Variants in RAD50 observed in about 807,000 individuals in gnomAD.
The protein encoded by RAD50 is RAD50 double strand break repair protein, also known as DNA repair protein RAD50.
A neutral mutation model predicts 168.8 loss-of-function variants in RAD50; 132 were observed. The ratio of observed to expected loss-of-function variants is 0.78; its 90% CI spans 0.68 to 0.90. The LOEUF (loss-of-function observed/expected upper bound fraction) is 0.90, where lower values mean the gene tolerates loss of function less well. Ranked by LOEUF, RAD50 falls within the 40% of genes least tolerant of loss-of-function variation. The pLI is 0.00. For missense variants in RAD50, 1,347 were observed against 1,534.4 expected, an observed-to-expected ratio of 0.88 and a Z score of 2.04; for synonymous variants, 525 against 497.4, an observed-to-expected ratio of 1.06 and a Z score of -0.74.
intron 24 of RAD50, chr5:132,641,938 A>C (rs1751730933): frequency 1.9e-6 from 1 of 526,166 alleles, no homozygotes; most frequent in Admixed American, 3.3e-5. Flanking sequence ...TATTCCTGTG[A>C]GTCCCTAAGC....
rs773566981 is a variant in RAD50, at chr5:132,595,720, G to A, written c.2117G>A (p.Arg706Gln). 5 of 1,613,756 alleles carry A rather than the reference G, an allele frequency of 3.1e-6. No individual in the cohort carries two copies. The South Asian group carries it at 3.3e-5, about 11-fold the overall frequency. Residue 706 changes from arginine (R) to glutamine (Q), a missense_variant, in exon 13 of 25, where the codon CGA becomes CAA. Transcript: ENST00000378823. ...ATCAGTGATTTGCAGTCTAAACTGC[G>A]ACTTGCTCCAGATAAACTCAAGTCA... ...EVISDLQSKL[R>Q]LAPDKLKSTE...
chr5:132,625,440 G>A (rs923489507), intron 21 of RAD50, among the ~76,000 whole-genome samples: 1 of 152,104 alleles, frequency 6.6e-6, no homozygotes, highest in East Asian at 1.9e-4. Flanking sequence ...TATATAGCCG[G>A]TATATTTATG....
At chr5:132,568,305 G>A (rs1010870689) in intron 2 of RAD50, among the ~76,000 whole-genome samples, 13 of 151,586 alleles carry the variant, frequency 8.6e-5, no homozygotes, top group Admixed American at 4.6e-4. Context: ...ACCTGGTCTC[G>A]AACTCATGAC....
intron 16 of RAD50, among the ~76,000 whole-genome samples, chr5:132,606,761 C>G (rs1750992863): frequency 6.6e-6 from 1 of 152,188 alleles, no homozygotes; most frequent in African/African-American, 2.4e-5. Flanking sequence ...CGTCAAAAAG[C>G]TTATCCACCA....
chr5:132,613,646 C>G (rs183967590), intron 19 of RAD50, among the ~76,000 whole-genome samples: 38 of 148,522 alleles, frequency 2.6e-4, no homozygotes, highest in African/African-American at 8.3e-4. Flanking sequence ...CTCTCTCACC[C>G]AGGCTGGAGT....
chr5:132,604,129 T>C, intron 15 of RAD50, 83 bp downstream of exon 15: 3 of 1,528,820 alleles, frequency 2.0e-6, no homozygotes, highest in Non-Finnish European at 1.8e-6. Context: ...TTATATCTGT[T>C]ACATGGACAA....
chr5:132,640,642 T>C, intron 23 of RAD50, 30 bp from the exon 24 acceptor site: 1 of 1,614,160 alleles, frequency 6.2e-7, no homozygotes, highest in African/African-American at 1.3e-5. Context: ...AGGTCTGTGC[T>C]GGGCTTCTCA....
At chr5:132,638,050 T>C in intron 22 of RAD50, 31 bp from the exon 23 acceptor site, 1 of 1,610,222 alleles carries the variant, frequency 6.2e-7, no homozygotes, top group Non-Finnish European at 8.5e-7. Context: ...AGAGCATAGG[T>C]TCCTCTAAAA....
intron 2 of RAD50, among the ~76,000 whole-genome samples, chr5:132,565,292 G>A (rs1561630615): frequency 2.0e-5 from 3 of 149,542 alleles, no homozygotes; most frequent in Non-Finnish European, 3.0e-5. Flanking sequence ...CCAGTTTCAG[G>A]TTTTTTTTTT....
chr5:132,625,045 A>G (rs1751348472), intron 21 of RAD50, among the ~76,000 whole-genome samples: 1 of 152,108 alleles, frequency 6.6e-6, no homozygotes, highest in Non-Finnish European at 1.5e-5. Flanking sequence ...ATACATGGTT[A>G]AAAGTGCTGT....
At chr5:132,608,244 A>G (rs1202431136) in intron 16 of RAD50, among the ~76,000 whole-genome samples, 1 of 152,246 alleles carries the variant, frequency 6.6e-6, no homozygotes, top group Non-Finnish European at 1.5e-5. Flanking sequence ...ATGAAAACTC[A>G]TGCTTGAAGC....
rs1437698435 is a variant in RAD50 at position 132,643,115 on chromosome 5, G to A, written c.*751G>A. 3 of 527,816 alleles carry A rather than the reference G, an allele frequency of 5.7e-6. No individual in the cohort carries two copies. Among genetic ancestry groups the A allele is most frequent in the East Asian group, 8.5e-5 (2 of 23,404 alleles). 32.7% of individuals were successfully genotyped at this position (527,816 alleles called of 1,614,324 possible). A position where few individuals can be genotyped will look rare whatever the true frequency, so the allele number is the denominator to read the frequency against. On this transcript the variant is annotated 3_prime_UTR_variant, in exon 25 of 25. Transcript: ENST00000378823. ...GGCCTGATCTGCCCATCGTGAAGAA[G>A]CCTGTAACACTCCTCTGCGTCTATC...
chr5:132,586,331 C>T (rs981667445), intron 5 of RAD50, among the ~76,000 whole-genome samples: 22 of 152,130 alleles, frequency 1.4e-4, no homozygotes, highest in African/African-American at 5.3e-4. Flanking sequence ...GAATTTCCTG[C>T]TTAGTATATA....
At chr5:132,557,558 C>T (rs1750027107) in intron 1 of RAD50, 105 bp downstream of exon 1, 2 of 1,513,216 alleles carry the variant, frequency 1.3e-6, no homozygotes, top group Non-Finnish European at 9.1e-7. Flanking sequence ...CCCTAGGGCT[C>T]CACAGGTGTA....
At chr5:132,573,431 A>G (rs949824768) in intron 2 of RAD50, among the ~76,000 whole-genome samples, 1 of 152,146 alleles carries the variant, frequency 6.6e-6, no homozygotes, top group African/African-American at 2.4e-5. Flanking sequence ...TCATGAGAAC[A>G]GCACAGGAAA....
chr5:132,579,563 G>A (rs1750467744), intron 4 of RAD50, 61 bp downstream of exon 4: 1 of 1,522,506 alleles, frequency 6.6e-7, no homozygotes. Context: ...TTTGCAATTT[G>A]GATGCTTCTT....
chr5:132,605,850 G>A (rs1432041989), intron 16 of RAD50, among the ~76,000 whole-genome samples: 2 of 152,116 alleles, frequency 1.3e-5, no homozygotes, highest in African/African-American at 4.8e-5. Context: ...CAACTACAAG[G>A]AAACTGAACA....
intron 21 of RAD50, among the ~76,000 whole-genome samples, chr5:132,633,939 T>G (rs1455543481): frequency 6.6e-6 from 1 of 152,224 alleles, no homozygotes; most frequent in Non-Finnish European, 1.5e-5. Context: ...TTGAAAACTT[T>G]CCAGTTGATT....
chr5:132,609,984 T>A (rs2149850254), intron 19 of RAD50, among the ~76,000 whole-genome samples: 1 of 151,980 alleles, frequency 6.6e-6, no homozygotes, highest in East Asian at 1.9e-4. Context: ...AGAAGTTTTT[T>A]ATTCATATAC....
Sources: allele counts gnomAD v4.1 joint callset (sites outside exome capture counted in the v4.1 genomes callset), GRCh38; gene constraint gnomAD v4.1.1; transcripts MANE v1.5; gene names NCBI Gene and HGNC (gene_info 2026-07-23, HGNC 2026-07-21).